Variants in SCN1A observed in about 807,000 individuals in gnomAD.
SCN1A encodes the protein sodium channel protein type 1 subunit alpha.
In SCN1A, 13 loss-of-function variants were observed where a neutral mutation model predicts 193.7. That is an observed-to-expected ratio of 0.07 (90% CI 0.04 to 0.11). The LOEUF (loss-of-function observed/expected upper bound fraction) is 0.11, where lower values mean the gene tolerates loss of function less well. SCN1A is among the 10% of genes least tolerant of loss of function. The pLI, the probability that SCN1A is intolerant of heterozygous loss-of-function variation, is 1.00. For synonymous variants in SCN1A, 781 were observed against 843.6 expected, an observed-to-expected ratio of 0.93 and a Z score of 1.29; for missense variants, 1,432 against 2,451.1, an observed-to-expected ratio of 0.58 and a Z score of 8.78.
intron 16 of SCN1A, 147 bp downstream of exon 16, chr2:166,041,084 A>C: frequency 1.5e-6 from 1 of 684,554 alleles, no homozygotes; most frequent in Non-Finnish European, 2.6e-6. Flanking sequence ...AAAAAAGTAG[A>C]GTATAGCCAG....
intron 2 of SCN1A, among the ~76,000 whole-genome samples, chr2:166,092,245 C>G (rs1559317614): frequency 6.6e-6 from 1 of 151,460 alleles, no homozygotes; most frequent in Non-Finnish European, 1.5e-5. Context: ...AGTCCAAGGT[C>G]CCACCTCAAG....
At chr2:166,145,528 TTG>T (rs10659996) in intron 1 of SCN1A, among the ~76,000 whole-genome samples, 7 of 150,292 alleles carry the variant, frequency 4.7e-5, no homozygotes, top group South Asian at 2.1e-4. Context: ...GGAGAAAAAT[TTG>T]TGTGTGTGTG....
intron 1 of SCN1A, among the ~76,000 whole-genome samples, chr2:166,139,646 G>C (rs970182892): frequency 5.9e-5 from 9 of 152,188 alleles, no homozygotes; most frequent in African/African-American, 2.2e-4. Flanking sequence ...ACATACCTGA[G>C]ACTGGGTAAT....
intron 2 of SCN1A, among the ~76,000 whole-genome samples, chr2:166,083,878 GT>G (rs1178205322): frequency 6.6e-6 from 1 of 152,144 alleles, no homozygotes; most frequent in Non-Finnish European, 1.5e-5. Context: ...TTTTAGTAAA[GT>G]TTTCCTGTTA....
At chr2:166,016,699 C>T (rs1693354131) in intron 19 of SCN1A, 1 of 151,846 alleles carries the variant, frequency 6.6e-6, no homozygotes, top group Non-Finnish European at 1.5e-5. Flanking sequence ...TTTTTGAACA[C>T]CAACAATATG....
At chr2:166,074,948 C>T (rs1684846008) in intron 3 of SCN1A, among the ~76,000 whole-genome samples, 2 of 152,122 alleles carry the variant, frequency 1.3e-5, no homozygotes, top group African/African-American at 4.8e-5. Context: ...CCTTAGTCTA[C>T]TAAGTGAAGT....
At chr2:166,009,866 T>TTAA (rs748090761) in intron 22 of SCN1A, 25 bp from the exon 23 acceptor site, 1 of 1,600,724 alleles carries the variant, frequency 6.2e-7, no homozygotes, top group East Asian at 2.3e-5. Flanking sequence ...ATAATAACAA[T>TTAA]TAATAAACAG....
chr2:166,053,266 T>A (rs1291870473), intron 7 of SCN1A: 2 of 602,540 alleles, frequency 3.3e-6, no homozygotes, highest in Non-Finnish European at 5.9e-6. Flanking sequence ...ATTCCATCAT[T>A]AATCTTTGTT....
At chr2:165,997,937 C>A (rs986844472) in intron 26 of SCN1A, 101 bp downstream of exon 26, 2 of 872,170 alleles carry the variant, frequency 2.3e-6, no homozygotes, top group Non-Finnish European at 3.8e-6. Context: ...ATAATATATA[C>A]TCCCATTTTG....
chr2:166,048,745 A>G (rs2105873235), intron 10 of SCN1A, 141 bp downstream of exon 10: 1 of 659,808 alleles, frequency 1.5e-6, no homozygotes, highest in Non-Finnish European at 2.7e-6. Flanking sequence ...CTCATACTTT[A>G]TCAAAAACCT....
chr2:166,022,084 A>T (rs1389162137), intron 19 of SCN1A, among the ~76,000 whole-genome samples: 1 of 152,178 alleles, frequency 6.6e-6, no homozygotes, highest in African/African-American at 2.4e-5. Context: ...ACATAAATGA[A>T]AATTTAAAAA....
intron 14 of SCN1A, among the ~76,000 whole-genome samples, chr2:166,042,899 A>T (rs971730817): frequency 6.6e-6 from 1 of 152,162 alleles, no homozygotes; most frequent in African/African-American, 2.4e-5. Flanking sequence ...TGACAACACA[A>T]ACTCTATGTT....
Position 165,989,415 on chromosome 2 carries a change from G to A in SCN1A, c.*1830C>T, listed in dbSNP as rs1381561852. On this transcript the variant is annotated 3_prime_UTR_variant, in exon 29 of 29. Coordinates refer to ENST00000674923, the MANE Select transcript of SCN1A (RefSeq NM_001165963.4). ...CCCACATTCTATTTAGAACAATCTA[G>A]AGCAGCATTACTCCAAAGAAATGAA... 6.6e-6 allele frequency: 1 copy of A among 152,194 alleles called. No homozygotes were observed. The highest frequency in any genetic ancestry group is 2.4e-5 in the African/African-American group (1 of 41,342). 9.4% of individuals were successfully genotyped at this position (152,194 alleles called of 1,614,324 possible).
chr2:166,104,975 C>T (rs748324910), intron 2 of SCN1A, among the ~76,000 whole-genome samples: 7 of 152,238 alleles, frequency 4.6e-5, no homozygotes, highest in South Asian at 2.1e-4. Flanking sequence ...AAAGAAATGA[C>T]GTAATTTCTC....
At chr2:166,103,842 A>T (rs1215220399) in intron 2 of SCN1A, among the ~76,000 whole-genome samples, 1 of 152,218 alleles carries the variant, frequency 6.6e-6, no homozygotes, top group East Asian at 1.9e-4. Flanking sequence ...GAAAATATAT[A>T]TTATTATCAC....
intron 1 of SCN1A, among the ~76,000 whole-genome samples, chr2:166,142,347 G>C (rs568358139): frequency 5.8e-4 from 88 of 152,222 alleles, no homozygotes; most frequent in African/African-American, 2.0e-3. Flanking sequence ...CTTTATAATT[G>C]GGTTGTTTTC....
In SCN1A at chr2:166,043,802, G is replaced by A. The variant is rs1266240114; in HGVS notation, c.1910C>T (p.Ala637Val). Residue 637 changes from alanine to valine, a missense_variant, in exon 14 of 29, where the codon GCG becomes GTG. Ala to Val is a moderately conservative substitution (Grantham distance 64). Transcript: ENST00000674923. ...CACAGTGCTGTGCATCTTCCCATTCGCTGGAAACACTGCCAGCATCCGGGA... is the reference window on the plus strand; with the variant it reads ...CACAGTGCTGTGCATCTTCCCATTCACTGGAAACACTGCCAGCATCCGGGA... ...RSSRMLAVFP[A>V]NGKMHSTVDC... 9 of 1,613,976 alleles carry A rather than the reference G, an allele frequency of 5.6e-6. No homozygotes were observed. Among genetic ancestry groups the A allele is most frequent in the African/African-American group, 1.3e-5 (1 of 74,896 alleles).
At chr2:166,130,629 T>G (rs1419156581), upstream of SCN1A, among the ~76,000 whole-genome samples, 1 of 152,220 alleles carries the variant, frequency 6.6e-6, no homozygotes, top group Non-Finnish European at 1.5e-5. Flanking sequence ...TGTTGTATCT[T>G]ATGAAACATG....
At chr2:166,038,370 T>C (rs77517693) in intron 17 of SCN1A, among the ~76,000 whole-genome samples, 6 of 151,998 alleles carry the variant, frequency 3.9e-5, no homozygotes, top group Admixed American at 2.6e-4. Context: ...CTTTTTTTTT[T>C]TCTTTTGTCA....
Sources: gnomAD v4.1 joint callset for allele counts (sites outside exome capture counted in the v4.1 genomes callset) on GRCh38, gnomAD v4.1.1 for gene constraint, MANE v1.5 for transcripts, NCBI Gene and HGNC (gene_info 2026-07-23, HGNC 2026-07-21) for gene names.